The following USP47 variants were observed in gnomAD, a reference collection of about 807,000 sequenced individuals.
USP47 encodes ubiquitin carboxyl-terminal hydrolase 47.
A neutral mutation model predicts 165.1 loss-of-function variants in USP47; 35 were observed. The ratio of observed to expected loss-of-function variants is 0.21; its 90% CI spans 0.16 to 0.28. The LOEUF (loss-of-function observed/expected upper bound fraction) is 0.28, where lower values mean the gene tolerates loss of function less well. Among genes scored for constraint, USP47 ranks in the 10% least tolerant of loss-of-function variants. USP47 has a pLI of 1.00. For missense variants in USP47, 1,277 were observed against 1,607.4 expected, an observed-to-expected ratio of 0.79 and a Z score of 3.52; for synonymous variants, 531 against 544.5, an observed-to-expected ratio of 0.98 and a Z score of 0.35.
At chr11:11,926,188 C>T (rs1329165193) in intron 11 of USP47, among the ~76,000 whole-genome samples, 1 of 152,154 alleles carries the variant, frequency 6.6e-6, no homozygotes, top group Non-Finnish European at 1.5e-5. Context: ...CAAAGTCACG[C>T]TGACCATATA....
At chr11:11,935,433 C>T (rs1023720121) in intron 16 of USP47, among the ~76,000 whole-genome samples, 3 of 151,434 alleles carry the variant, frequency 2.0e-5, no homozygotes, top group African/African-American at 7.3e-5. Flanking sequence ...GGACTGCAAG[C>T]ATTAGTCTTG....
intron 1 of USP47, among the ~76,000 whole-genome samples, chr11:11,860,491 T>C (rs949011088): frequency 6.6e-6 from 1 of 152,318 alleles, no homozygotes; most frequent in Non-Finnish European, 1.5e-5. Flanking sequence ...AACGTTTCTT[T>C]CAGATGTATA....
rs546803696 is a variant in USP47 at position 11,897,508 on chromosome 11, A to G, written c.497-89A>G. On this transcript the variant is annotated intron_variant, in intron 4 of 27. Transcript: ENST00000527733. Reference sequence around the variant, plus strand: ...AAATGAGTAGTAACTTTAACCTCTGAATCTTTACTGTGAATTAAATTCTTA... The same window carrying G: ...AAATGAGTAGTAACTTTAACCTCTGGATCTTTACTGTGAATTAAATTCTTA... 94 of 1,004,604 alleles carry G rather than the reference A, an allele frequency of 9.4e-5. No homozygotes were observed. The African/African-American group carries it at 1.4e-3, about 15-fold the overall frequency. The allele number at this position is 1,004,604 out of a possible 1,614,324, so 62.2% of individuals were successfully genotyped here.
intron 1 of USP47, among the ~76,000 whole-genome samples, chr11:11,873,512 A>G (rs1207229105): frequency 2.6e-5 from 4 of 152,130 alleles, no homozygotes. Flanking sequence ...TTTACTGGAC[A>G]CAAAATATTA....
At position 11,952,748 on chromosome 11, in the gene USP47, G is replaced by A; in HGVS notation, c.3591G>A (p.Glu1197=). 6.3e-7 allele frequency: 1 copy of A among 1,598,872 alleles called. No homozygotes were observed. The highest frequency in any genetic ancestry group is 2.3e-5 in the East Asian group (1 of 43,656). ...EVFLEVLDGV[E]KMKSMSQLAV... ...AATCTTGCATATTCTTAGGGGTAGA[G>A]AAGATGAAGTCCATGTCACAGCTTG... The change falls in exon 25 of 28, where the codon GAG becomes GAA. Residue 1197 remains glutamate (E), a synonymous_variant. Coordinates refer to ENST00000527733, the MANE Select transcript of USP47 (RefSeq NM_001282659.2).
intron 18 of USP47, 125 bp from the exon 19 acceptor site, chr11:11,940,304 A>G (rs971970152): frequency 4.1e-6 from 4 of 978,382 alleles, no homozygotes; most frequent in Admixed American, 6.9e-5. Context: ...TAAAACCTCT[A>G]CTAAAATTAT....
chr11:11,946,349 A>T (rs1464827348), intron 20 of USP47, among the ~76,000 whole-genome samples: 1 of 152,238 alleles, frequency 6.6e-6, no homozygotes, highest in African/African-American at 2.4e-5. Flanking sequence ...CATAATCACC[A>T]TATTAAACGA....
chr11:11,931,878 A>C (rs1387430593), intron 14 of USP47, among the ~76,000 whole-genome samples: 1 of 152,184 alleles, frequency 6.6e-6, no homozygotes, highest in Non-Finnish European at 1.5e-5. Flanking sequence ...ACTTTCGTAA[A>C]AATGATTATA....
At position 11,942,912 on chromosome 11, in the gene USP47, G is replaced by T; in HGVS notation, c.2891G>T (p.Gly964Val). ...ADNAQIPLAN[G>V]LDSHSITSSR... The stretch of plus-strand genomic sequence containing the variant: ...AATGCTCAGATCCCTTTGGCTAATG[G>T]ACTTGACTCTCACAGTATCACAAGT... Residue 964 changes from glycine (G) to valine (V), a missense_variant, in exon 20 of 28, where the codon GGA (glycine) becomes GTA (valine). Coordinates refer to ENST00000527733, the MANE Select transcript of USP47 (RefSeq NM_001282659.2). The T allele has an allele frequency of 6.2e-7, 1 of 1,613,560 alleles. No individual in the cohort carries two copies. Among genetic ancestry groups the T allele is most frequent in the Non-Finnish European group, 8.5e-7 (1 of 1,179,714 alleles).
At chr11:11,934,806 T>C (rs1224148001) in intron 16 of USP47, among the ~76,000 whole-genome samples, 1 of 152,152 alleles carries the variant, frequency 6.6e-6, no homozygotes, top group Non-Finnish European at 1.5e-5. Context: ...TCATTTATGA[T>C]ACTTAACAAA....
At chr11:11,901,949 ACT>A (rs1282298339) in intron 5 of USP47, among the ~76,000 whole-genome samples, 1 of 145,302 alleles carries the variant, frequency 6.9e-6, no homozygotes, top group Non-Finnish European at 1.5e-5. Context: ...ACAGAACGAG[ACT>A]CTGTCTCAAA....
chr11:11,926,205 GT>G (rs1854229295), intron 11 of USP47, among the ~76,000 whole-genome samples: 1 of 152,158 alleles, frequency 6.6e-6, no homozygotes, highest in Non-Finnish European at 1.5e-5. Flanking sequence ...TATAGAATGA[GT>G]TTGGAAGTTT....
At position 11,903,275 on chromosome 11, in the gene USP47, A is replaced by G; in HGVS notation, c.752A>G (p.His251Arg). The part of the protein sequence containing the change: ...GWDSSEAWQQ[H>R]DVQELCRVMF... ...TATCTTAAAACAGCTTGGCAGCAGC[A>G]TGATGTACAAGAACTATGCAGAGTC... The change falls in exon 7 of 28, where the codon CAT becomes CGT. Residue 251 changes from histidine (H) to arginine (R), a missense_variant. His to Arg is a conservative substitution (Grantham distance 29). Coordinates refer to ENST00000527733, the MANE Select transcript of USP47 (RefSeq NM_001282659.2). 6.2e-7 allele frequency: 1 copy of G among 1,609,864 alleles called. No homozygotes were observed. The highest frequency in any genetic ancestry group is 8.5e-7 in the Non-Finnish European group (1 of 1,177,806).
At chr11:11,887,615 A>C (rs1309589013) in intron 3 of USP47, among the ~76,000 whole-genome samples, 1 of 152,192 alleles carries the variant, frequency 6.6e-6, no homozygotes, top group Non-Finnish European at 1.5e-5. Context: ...ACACTCCCAC[A>C]CAATAACAAT....
intron 20 of USP47, among the ~76,000 whole-genome samples, chr11:11,944,151 A>G (rs1442060216): frequency 6.7e-6 from 1 of 149,590 alleles, no homozygotes; most frequent in South Asian, 2.2e-4. Flanking sequence ...CCACCCATCC[A>G]AGTAACATTT....
In USP47 at chr11:11,857,694, G is replaced by A. The variant is rs190661619; in HGVS notation, c.39+15470G>A. Among the ~76,000 whole-genome samples, 313 of 152,308 alleles carry A rather than the reference G, an allele frequency of 2.1e-3. 1 individual carries two copies. Among genetic ancestry groups the A allele is most frequent in the African/African-American group, 7.0e-3 (289 of 41,568 alleles). On this transcript the variant is annotated intron_variant, in intron 1 of 27. Transcript: ENST00000527733. ...CACTTTCCATGCCTAAGTAACAAAA[G>A]AGCCGGAGGCTACTCCCTTTGCAGA...
intron 20 of USP47, among the ~76,000 whole-genome samples, chr11:11,946,442 G>A (rs189215896): frequency 5.5e-4 from 83 of 152,272 alleles, no homozygotes; most frequent in Non-Finnish European, 9.7e-4. Context: ...GGCAATAAAA[G>A]CTTGTATTTG....
intron 1 of USP47, among the ~76,000 whole-genome samples, chr11:11,865,249 G>GC (rs2134213385): frequency 6.6e-6 from 1 of 152,164 alleles, no homozygotes; most frequent in East Asian, 1.9e-4. Context: ...TTTTAAACCT[G>GC]CCCTCTTTCT....
chr11:11,861,630 T>G (rs1849392599), intron 1 of USP47, among the ~76,000 whole-genome samples: 1 of 152,198 alleles, frequency 6.6e-6, no homozygotes, highest in African/African-American at 2.4e-5. Flanking sequence ...TTTCTAATTT[T>G]AATATACTGT....
Sources: gnomAD v4.1 joint callset for allele counts (sites outside exome capture counted in the v4.1 genomes callset) on GRCh38, gnomAD v4.1.1 for gene constraint, MANE v1.5 for transcripts, NCBI Gene and HGNC (gene_info 2026-07-23, HGNC 2026-07-21) for gene names.